Variants in APOO observed in about 807,000 individuals in gnomAD.
APOO encodes apolipoprotein O.
A neutral mutation model predicts 23.1 loss-of-function variants in APOO; 11 were observed. The observed-to-expected ratio is 0.48, with a 90% CI of 0.30 to 0.79. The LOEUF (loss-of-function observed/expected upper bound fraction) is 0.79, where lower values mean the gene tolerates loss of function less well. APOO is among the 30% of genes least tolerant of loss of function. APOO has a pLI of 0.07. For missense variants in APOO, 160 were observed against 142.7 expected, an observed-to-expected ratio of 1.12 and a Z score of -0.62; for synonymous variants, 59 against 54.8, an observed-to-expected ratio of 1.08 and a Z score of -0.34.
rs73481740 is a variant in APOO, at chrX:23,901,857, C to A, written c.9+5837G>T. On this transcript the variant is annotated intron_variant, in intron 1 of 8. Transcript: ENST00000379226. Reference sequence around the variant, plus strand: ...GCAGCTACAGAAAACTTTAGTATCTCTCACAAGGAACACAGTGAAGCCCAA... The same window carrying A: ...GCAGCTACAGAAAACTTTAGTATCTATCACAAGGAACACAGTGAAGCCCAA... Among the ~76,000 whole-genome samples the A allele has an allele frequency of 5.3e-3, 601 of 112,491 alleles. 3 individuals carry two copies. Among genetic ancestry groups the A allele is most frequent in the African/African-American group, 0.018 (566 of 31,004 alleles).
intron 3 of APOO, 117 bp from the exon 4 acceptor site, chrX:23,874,574 G>T: frequency 1.7e-6 from 1 of 603,004 alleles, no homozygotes; most frequent in Non-Finnish European, 2.7e-6. Context: ...AACGCTTTTT[G>T]AACAAAGGGA....
At chrX:23,870,620 T>C (rs1185193243) in intron 4 of APOO, among the ~76,000 whole-genome samples, 1 of 103,619 alleles carries the variant, frequency 9.7e-6, no homozygotes, top group Non-Finnish European at 2.0e-5. Flanking sequence ...ACCCTGTCTC[T>C]ACAAAAAATT....
intron 4 of APOO, among the ~76,000 whole-genome samples, chrX:23,869,962 AAAAG>A (rs1291394902): frequency 1.8e-5 from 2 of 110,489 alleles, no homozygotes; most frequent in East Asian, 2.8e-4. Context: ...AAAAAAAAAA[AAAAG>A]AAAGAAATCA....
At chrX:23,871,675 C>T (rs955137791) in intron 4 of APOO, among the ~76,000 whole-genome samples, 3 of 111,818 alleles carry the variant, frequency 2.7e-5, no homozygotes, top group Non-Finnish European at 5.6e-5. Flanking sequence ...TCTCCTTCCT[C>T]TGTACCTTCA....
At chrX:23,861,831 T>C (rs1925056526) in intron 5 of APOO, among the ~76,000 whole-genome samples, 1 of 93,583 alleles carries the variant, frequency 1.1e-5, no homozygotes, top group South Asian at 5.6e-4. Flanking sequence ...CGAGACGGAG[T>C]CTTGCTCTGT....
rs770317076 is a variant in APOO at position 23,856,340 on chromosome X, T to C, written c.523A>G (p.Ile175Val). Residue 175 changes from isoleucine to valine, a missense_variant, in exon 7 of 9, where the codon ATA (isoleucine) becomes GTA (valine). Physicochemically the swap from Ile to Val is conservative, Grantham distance 29. Coordinates refer to ENST00000379226, the MANE Select transcript of APOO (RefSeq NM_024122.5). ...TCCTTCCACAAATCTTCTATGACTATATATCCTCGTAAACCCCAGTCATAT... is the reference window on the plus strand; with the variant it reads ...TCCTTCCACAAATCTTCTATGACTACATATCCTCGTAAACCCCAGTCATAT... Reference protein sequence around the residue: ...RLYDWGLRGYIVIEDLWKENF... With the variant: ...RLYDWGLRGYVVIEDLWKENF... 2 of 1,210,289 alleles carry C rather than the reference T, an allele frequency of 1.7e-6. No individual in the cohort carries two copies. Among genetic ancestry groups the C allele is most frequent in the Non-Finnish European group, 2.2e-6 (2 of 894,836 alleles).
At chrX:23,861,960 C>A (rs192411294) in intron 5 of APOO, among the ~76,000 whole-genome samples, 170 of 109,797 alleles carry the variant, frequency 1.5e-3, no homozygotes, top group Non-Finnish European at 2.8e-3. Flanking sequence ...CCCTCCACCA[C>A]ACCCGGCTAT....
chrX:23,876,815 G>T (rs1440781242), intron 3 of APOO, among the ~76,000 whole-genome samples: 1 of 111,195 alleles, frequency 9.0e-6, no homozygotes, highest in Non-Finnish European at 1.9e-5. Context: ...GAAAAACAAA[G>T]AACAAAAAAA....
chrX:23,900,409 C>T (rs1416661426), intron 1 of APOO, among the ~76,000 whole-genome samples: 2 of 111,422 alleles, frequency 1.8e-5, no homozygotes, highest in African/African-American at 6.5e-5. Context: ...CATGGTGACT[C>T]ATGCCTGTAA....
intron 8 of APOO, among the ~76,000 whole-genome samples, chrX:23,836,450 G>A (rs1923674154): frequency 9.0e-6 from 1 of 111,543 alleles, no homozygotes. Flanking sequence ...GAGTAGCTGG[G>A]ACTACAGGCG....
intron 7 of APOO, among the ~76,000 whole-genome samples, chrX:23,852,222 C>G (rs969293678): frequency 2.7e-5 from 3 of 111,066 alleles, no homozygotes; most frequent in African/African-American, 9.8e-5. Context: ...CCACACCTGG[C>G]CAGCACCCTG....
At chrX:23,896,181 T>C (rs1162165058) in intron 1 of APOO, among the ~76,000 whole-genome samples, 3 of 110,134 alleles carry the variant, frequency 2.7e-5, no homozygotes, top group African/African-American at 9.9e-5. Flanking sequence ...GGCAGGAGAA[T>C]TGCTTGAACC....
intron 6 of APOO, among the ~76,000 whole-genome samples, chrX:23,858,015 A>C (rs1924853407): frequency 9.0e-6 from 1 of 111,701 alleles, no homozygotes; most frequent in African/African-American, 3.3e-5. Context: ...TTCTCAGGTG[A>C]TGCTGCTGCT....
chrX:23,896,216 G>A (rs780705508), intron 1 of APOO, among the ~76,000 whole-genome samples: 2 of 109,476 alleles, frequency 1.8e-5, no homozygotes, highest in Middle Eastern at 4.7e-3. Flanking sequence ...TGCGGTGAAC[G>A]AAGATGGCGC....
intron 7 of APOO, among the ~76,000 whole-genome samples, chrX:23,852,780 ATTTTTGTGTGTGCC>A (rs1192907830): frequency 3.6e-5 from 4 of 110,620 alleles, no homozygotes; most frequent in African/African-American, 1.3e-4. Flanking sequence ...AAAATCATAC[ATTTTTGTGTGTGCC>A]TTTCTTCTGG....
intron 3 of APOO, 146 bp from the exon 4 acceptor site, chrX:23,874,603 C>T: frequency 2.1e-6 from 1 of 478,928 alleles, no homozygotes; most frequent in Admixed American, 3.5e-5. Context: ...CTGTCTGGGT[C>T]TTTTTGTTTG....
chrX:23,858,861 G>A (rs1226173874), intron 5 of APOO, 128 bp from the exon 6 acceptor site: 1 of 549,072 alleles, frequency 1.8e-6, no homozygotes, highest in Non-Finnish European at 2.8e-6. Context: ...AAAGCTCTGG[G>A]AGGCCGAGGC....
intron 2 of APOO, among the ~76,000 whole-genome samples, chrX:23,879,283 A>C (rs1277419157): frequency 1.8e-5 from 2 of 110,932 alleles, no homozygotes; most frequent in African/African-American, 6.6e-5. Flanking sequence ...TAAAAATACA[A>C]AACTTAGCCA....
At chrX:23,907,666 C>T in intron 1 of APOO, 28 bp downstream of exon 1, 8 of 1,151,727 alleles carry the variant, frequency 6.9e-6, no homozygotes, top group Non-Finnish European at 9.2e-6. Context: ...GGGGCGGTGA[C>T]AGCTGTGACT....
Sources: allele counts gnomAD v4.1 joint callset (sites outside exome capture counted in the v4.1 genomes callset), GRCh38; gene constraint gnomAD v4.1.1; transcripts MANE v1.5; gene names NCBI Gene and HGNC (gene_info 2026-07-23, HGNC 2026-07-21).